DIP2B: variants seen among roughly 807,000 people sequenced by gnomAD.
DIP2B encodes DIP2 acetate--CoA ligase B (putative), also known as disco-interacting protein 2 homolog B.
Under a neutral mutation model 198.0 loss-of-function variants are expected in DIP2B, and 76 were observed. The ratio of observed to expected loss-of-function variants is 0.38; its 90% CI spans 0.32 to 0.46. DIP2B has a LOEUF of 0.46. DIP2B is among the 20% of genes least tolerant of loss of function. DIP2B has a pLI of 0.99. For missense variants in DIP2B, 1,559 were observed against 1,978.4 expected (o/e 0.79, Z 4.02); for synonymous variants, 701 against 739.1 (o/e 0.95, Z 0.84).
At chr12:50,684,398 C>T (rs1939098882) in intron 10 of DIP2B, among the ~76,000 whole-genome samples, 1 of 152,206 alleles carries the variant, frequency 6.6e-6, no homozygotes, top group Admixed American at 6.5e-5. Context: ...CCATGTTTGA[C>T]TGAGTGATTT....
chr12:50,698,242 G>A lies in DIP2B; in HGVS notation c.2049-86G>A, dbSNP rs1592132935. 2.0e-6 allele frequency: 3 copies of A among 1,489,652 alleles called. No homozygotes were observed. The East Asian group carries it at 7.0e-5, about 35-fold the overall frequency. 92.3% of individuals were successfully genotyped at this position (1,489,652 alleles called of 1,614,324 possible). ...AATGGAGAATTTTTTTGGTATTGTA[G>A]CCAGAGGAAATTTGTCTTCCTATGT... is the stretch of plus-strand genomic sequence containing the variant. On this transcript the variant is annotated intron_variant, in intron 17 of 37. Coordinates refer to ENST00000301180, the MANE Select transcript of DIP2B (RefSeq NM_173602.3).
At chr12:50,730,216 T>A (rs1022783331) in intron 30 of DIP2B, among the ~76,000 whole-genome samples, 2 of 152,238 alleles carry the variant, frequency 1.3e-5, no homozygotes, top group Non-Finnish European at 2.9e-5. Flanking sequence ...GGGTGAAGTC[T>A]AAACTCCTTC....
chr12:50,688,730 G>A (rs1939172704), intron 12 of DIP2B, among the ~76,000 whole-genome samples: 1 of 152,184 alleles, frequency 6.6e-6, no homozygotes, highest in Non-Finnish European at 1.5e-5. Flanking sequence ...ATGTCTCAGT[G>A]ATGACATGGT....
chr12:50,550,905 C>G (rs1958422119), intron 1 of DIP2B, among the ~76,000 whole-genome samples: 1 of 152,080 alleles, frequency 6.6e-6, no homozygotes. Flanking sequence ...GGGTGAATTG[C>G]TTGAGTCCAG....
intron 1 of DIP2B, among the ~76,000 whole-genome samples, chr12:50,593,339 T>C (rs147277701): frequency 0.013 from 2,028 of 152,140 alleles, 51 homozygotes; most frequent in African/African-American, 0.046. Flanking sequence ...ACCCCGTCTC[T>C]ACTAAAAATA....
chr12:50,675,274 A>G, intron 6 of DIP2B, 55 bp from the exon 7 acceptor site: 1 of 1,584,254 alleles, frequency 6.3e-7, no homozygotes, highest in East Asian at 2.2e-5. Context: ...GAACTGAGGA[A>G]CTAAAATATC....
At chr12:50,606,200 C>T (rs1048237506) in intron 1 of DIP2B, among the ~76,000 whole-genome samples, 45 of 151,900 alleles carry the variant, frequency 3.0e-4, no homozygotes, top group African/African-American at 1.0e-3. Context: ...AGCTCCCTTA[C>T]AGCCACAAGT....
At chr12:50,741,913 T>A (rs1015608589) in intron 37 of DIP2B, among the ~76,000 whole-genome samples, 1 of 152,184 alleles carries the variant, frequency 6.6e-6, no homozygotes, top group South Asian at 2.1e-4. Flanking sequence ...TGTAAAACAC[T>A]CTCTCTGCTA....
At position 50,511,136 on chromosome 12, in the gene DIP2B, A is replaced by G. The variant is rs1266541150; in HGVS notation, c.100+5896A>G. Among the ~76,000 whole-genome samples, 9 of 150,162 alleles carry G rather than the reference A, an allele frequency of 6.0e-5. No homozygotes were observed. In the East Asian group the frequency reaches 1.8e-3, roughly 30 times the overall value. ...AATTTTTTGTGTCTTTAGTAGAGAT[A>G]GGGTTTCACCAGTTGACCAGGCTGG... On this transcript the variant is annotated intron_variant, in intron 1 of 37. Coordinates refer to ENST00000301180, the MANE Select transcript of DIP2B (RefSeq NM_173602.3).
At chr12:50,636,749 C>T (rs1310566304) in intron 2 of DIP2B, among the ~76,000 whole-genome samples, 3 of 152,174 alleles carry the variant, frequency 2.0e-5, no homozygotes, top group African/African-American at 7.2e-5. Flanking sequence ...ACTTGGACTC[C>T]CGGAGCAGAG....
At chr12:50,719,117 G>A (rs1027608462) in intron 25 of DIP2B, 82 bp downstream of exon 25, 27 of 1,447,394 alleles carry the variant, frequency 1.9e-5, no homozygotes, top group Non-Finnish European at 2.4e-5. Context: ...TCTTTCATCA[G>A]AAAATTTCTG....
chr12:50,608,557 C>CAG (rs1422718701), intron 1 of DIP2B, among the ~76,000 whole-genome samples: 1 of 149,064 alleles, frequency 6.7e-6, no homozygotes, highest in Non-Finnish European at 1.5e-5. Context: ...ACCTGGGAGG[C>CAG]AGAGGTTGCA....
chr12:50,624,177 A>G (rs1261451713), intron 1 of DIP2B, among the ~76,000 whole-genome samples: 2 of 152,274 alleles, frequency 1.3e-5, no homozygotes, highest in Non-Finnish European at 2.9e-5. Context: ...CTATATCCCA[A>G]TGATTCCAAA....
At chr12:50,652,913 G>A (rs1337316664) in intron 3 of DIP2B, among the ~76,000 whole-genome samples, 3 of 149,640 alleles carry the variant, frequency 2.0e-5, no homozygotes, top group Admixed American at 2.0e-4. Flanking sequence ...TTCTTTTCAG[G>A]TAATTCATTG....
At position 50,727,706 on chromosome 12, in the gene DIP2B, A is replaced by G; in HGVS notation, c.3404A>G (p.Asp1135Gly). ...KTWPTIIDTD[D>G]LPRKRLPQLY... ...AGGTTTTTTCTTTTCATGGCAGATG[A>G]TTTACCCAGGAAAAGGTTACCTCAG... Residue 1135 changes from aspartate to glycine, a missense_variant, in exon 29 of 38, where the codon GAT (aspartate) becomes GGT (glycine). Asp to Gly is a moderately conservative substitution (Grantham distance 94). Transcript: ENST00000301180. 4 of 1,613,762 alleles carry G rather than the reference A, an allele frequency of 2.5e-6. No homozygotes were observed. The highest frequency in any genetic ancestry group is 3.4e-6 in the Non-Finnish European group (4 of 1,179,748).
At chr12:50,640,583 A>T in intron 2 of DIP2B, 141 bp from the exon 3 acceptor site, 1 of 814,842 alleles carries the variant, frequency 1.2e-6, no homozygotes, top group Non-Finnish European at 1.8e-6. Context: ...ATATTTATGT[A>T]TTTATATTGA....
intron 1 of DIP2B, among the ~76,000 whole-genome samples, chr12:50,601,783 G>T (rs975486497): frequency 3.0e-4 from 46 of 151,770 alleles, no homozygotes; most frequent in Non-Finnish European, 1.3e-4. Flanking sequence ...ACTATATCTG[G>T]CTTTGTATTT....
chr12:50,664,833 TTTG>T (rs1239573860), intron 4 of DIP2B, among the ~76,000 whole-genome samples: 102 of 1,304 alleles, frequency 0.078, 21 homozygotes, highest in African/African-American at 0.1. Flanking sequence ...TTTTTTGGTT[TTTG>T]TTTTTTTTTT....
chr12:50,661,301 A>G (rs967565441), intron 4 of DIP2B, among the ~76,000 whole-genome samples: 1 of 152,148 alleles, frequency 6.6e-6, no homozygotes, highest in Non-Finnish European at 1.5e-5. Context: ...AAACTACTTA[A>G]TACGTCTTTG....
Sources: gnomAD v4.1 joint callset for allele counts (sites outside exome capture counted in the v4.1 genomes callset) on GRCh38, gnomAD v4.1.1 for gene constraint, MANE v1.5 for transcripts, NCBI Gene and HGNC (gene_info 2026-07-23, HGNC 2026-07-21) for gene names.